FRAS1: variants seen among roughly 807,000 people sequenced by gnomAD.
FRAS1 encodes Fraser extracellular matrix complex subunit 1, also known as extracellular matrix organizing protein FRAS1.
In FRAS1, 290 loss-of-function variants were observed where a neutral mutation model predicts 435.2. The ratio of observed to expected loss-of-function variants is 0.67; its 90% CI spans 0.61 to 0.73. The LOEUF is 0.73. Ranked by LOEUF, FRAS1 falls within the 30% of genes least tolerant of loss-of-function variation. FRAS1 has a pLI of 0.00. For missense variants in FRAS1, 4,860 were observed against 5,001.5 expected (o/e 0.97, Z 0.85); for synonymous variants, 1,800 against 1,851.0 (o/e 0.97, Z 0.71).
intron 6 of FRAS1, among the ~76,000 whole-genome samples, chr4:78,264,034 C>T (rs1194500318): frequency 6.6e-6 from 1 of 152,168 alleles, no homozygotes; most frequent in African/African-American, 2.4e-5. Context: ...TTCTACTCCT[C>T]ATAAGAGAAA....
chr4:78,516,090 A>G lies in FRAS1; in HGVS notation c.10389+77A>G, dbSNP rs548219931. The stretch of plus-strand genomic sequence containing the variant: ...ACCTTGTTTGTTCCTGAAGCACTTC[A>G]ATTAGCACTTTGCCTCCAGAACTGG... On this transcript the variant is annotated intron_variant, in intron 66 of 73. Transcript: ENST00000512123. 48 of 1,144,130 alleles carry G rather than the reference A, an allele frequency of 4.2e-5. 1 individual carries two copies. In the South Asian group the frequency reaches 7.1e-4, roughly 17 times the overall value. The allele number at this position is 1,144,130 out of a possible 1,614,324, so 70.9% of individuals were successfully genotyped here.
intron 4 of FRAS1, among the ~76,000 whole-genome samples, chr4:78,246,747 GAA>G (rs11304207): frequency 6.6e-5 from 10 of 150,514 alleles, no homozygotes; most frequent in Admixed American, 2.6e-4. Flanking sequence ...GGATCTGGGG[GAA>G]AAAAAAAACC....
At chr4:78,451,928 T>G in intron 46 of FRAS1, 37 bp downstream of exon 46, 1 of 1,573,266 alleles carries the variant, frequency 6.4e-7, no homozygotes, top group Non-Finnish European at 8.6e-7. Context: ...TAAAACTATT[T>G]TAGCAGTTCT....
intron 14 of FRAS1, among the ~76,000 whole-genome samples, chr4:78,297,699 C>T (rs139645929): frequency 6.6e-6 from 1 of 152,152 alleles, no homozygotes; most frequent in African/African-American, 2.4e-5. Context: ...TCTTATTCAC[C>T]CTCTTTTAAC....
At chr4:78,276,585 G>T (rs1365700353) in intron 9 of FRAS1, among the ~76,000 whole-genome samples, 1 of 152,224 alleles carries the variant, frequency 6.6e-6, no homozygotes, top group African/African-American at 2.4e-5. Context: ...ATCCACTCTA[G>T]ACCCTGTTTG....
chr4:78,117,182 A>C (rs1718645222), intron 2 of FRAS1, among the ~76,000 whole-genome samples: 1 of 152,154 alleles, frequency 6.6e-6, no homozygotes, highest in African/African-American at 2.4e-5. Flanking sequence ...TGGCTTGTAG[A>C]GTTTCTGCCA....
chr4:78,364,096 C>G, intron 22 of FRAS1, 42 bp downstream of exon 22: 1 of 1,544,238 alleles, frequency 6.5e-7, no homozygotes. Context: ...CCTTCTTTTC[C>G]TGCCTTTCTG....
intron 70 of FRAS1, among the ~76,000 whole-genome samples, chr4:78,527,357 G>A (rs926566160): frequency 1.3e-5 from 2 of 148,880 alleles, no homozygotes; most frequent in South Asian, 2.1e-4. Flanking sequence ...TATTTATTCA[G>A]CTCTTCTCAT....
chr4:78,478,033 T>TTTTCTG lies in FRAS1; in HGVS notation c.8074_8079dup (p.Leu2692_Phe2693dup). The stretch of plus-strand genomic sequence containing the variant: ...TCTACTGGGTTAACGAGAGCGCTGG[T>TTTTCTG]TTTCTGTTTGCACCTATTGAAAGAA... On this transcript the variant is annotated inframe_insertion, in exon 55 of 74. Coordinates refer to ENST00000512123, the MANE Select transcript of FRAS1 (RefSeq NM_025074.7). The TTTTCTG allele has an allele frequency of 6.3e-7, 1 of 1,581,310 alleles. No individual in the cohort carries two copies. The highest frequency in any genetic ancestry group is 2.3e-5 in the East Asian group (1 of 43,364).
intron 1 of FRAS1, among the ~76,000 whole-genome samples, chr4:78,058,423 A>T (rs1358235079): frequency 2.6e-5 from 4 of 152,114 alleles, no homozygotes; most frequent in Non-Finnish European, 5.9e-5. Flanking sequence ...AAGCAACTGC[A>T]TGGAGCACAG....
intron 57 of FRAS1, 133 bp downstream of exon 57, chr4:78,482,097 C>A: frequency 1.0e-6 from 1 of 957,994 alleles, no homozygotes. Context: ...AACACACATA[C>A]ATAAACAAGA....
At chr4:78,156,848 G>A (rs1053565180) in intron 2 of FRAS1, among the ~76,000 whole-genome samples, 21 of 152,108 alleles carry the variant, frequency 1.4e-4, no homozygotes, top group African/African-American at 4.3e-4. Flanking sequence ...TTCCAGAAGC[G>A]GGGGATGGAA....
chr4:78,284,547 A>C lies in FRAS1; in HGVS notation c.1398A>C (p.Leu466Phe). ...LGFYQAGSLC[L>F]ACQPQCSTCT... is the part of the protein sequence containing the mutation. ...TTTACCAAGCTGGCAGTCTCTGTTT[A>C]GGTATGGCTCCAAGTGGACAACCCA... Residue 466 changes from leucine to phenylalanine, a missense_variant and splice_region_variant, in exon 13 of 74, where the codon TTA (leucine) becomes TTC (phenylalanine). Physicochemically the swap from Leu to Phe is conservative, Grantham distance 22 (BLOSUM62 0). Transcript: ENST00000512123. 1 of 1,608,452 alleles carries C rather than the reference A, an allele frequency of 6.2e-7. No individual in the cohort carries two copies. The highest frequency in any genetic ancestry group is 8.5e-7 in the Non-Finnish European group (1 of 1,177,414).
chr4:78,357,365 T>G (rs1432305660), intron 20 of FRAS1, among the ~76,000 whole-genome samples: 1 of 152,170 alleles, frequency 6.6e-6, no homozygotes, highest in East Asian at 1.9e-4. Context: ...TGACAAAATT[T>G]GGAGACAGCC....
chr4:78,366,599 G>T (rs1310235675), intron 22 of FRAS1, among the ~76,000 whole-genome samples: 2 of 152,170 alleles, frequency 1.3e-5, no homozygotes, highest in Non-Finnish European at 2.9e-5. Flanking sequence ...TGTTTAAGAA[G>T]GTGATTGAAC....
chr4:78,123,318 T>C (rs972081734), intron 2 of FRAS1, among the ~76,000 whole-genome samples: 2 of 152,202 alleles, frequency 1.3e-5, no homozygotes, highest in African/African-American at 4.8e-5. Context: ...AGGCCTCTGT[T>C]CGGATCCATT....
In FRAS1 at chr4:78,400,766, G is replaced by A. The variant is rs892981839; in HGVS notation, c.4008G>A (p.Ser1336=). Residue 1336 remains serine (S), a synonymous_variant, in exon 30 of 74, where the codon TCG becomes TCA. Transcript: ENST00000512123. ...GGGGTCTTCAGCTTGTGGCTAATTCGATGGTGTGGGTTCCAGAAGGGGGGA... is the reference window on the plus strand; with the variant it reads ...GGGGTCTTCAGCTTGTGGCTAATTCAATGGTGTGGGTTCCAGAAGGGGGGA... ...NDRGLQLVAN[S]MVWVPEGGML... 9.3e-6 allele frequency: 15 copies of A among 1,612,820 alleles called. No individual in the cohort carries two copies. Among genetic ancestry groups the A allele is most frequent in the East Asian group, 8.9e-5 (4 of 44,836 alleles).
intron 2 of FRAS1, among the ~76,000 whole-genome samples, chr4:78,210,991 G>A (rs536804288): frequency 3.3e-5 from 5 of 152,272 alleles, no homozygotes; most frequent in East Asian, 1.9e-4. Context: ...CCTGGTGCGC[G>A]TATGGTGTTG....
intron 34 of FRAS1, among the ~76,000 whole-genome samples, chr4:78,423,906 T>C (rs77098125): frequency 0.011 from 1,725 of 152,308 alleles, 20 homozygotes; most frequent in African/African-American, 0.039. Context: ...CCCGAGTTCC[T>C]AGAGCCTGTT....
Sources: gnomAD v4.1 joint callset for allele counts (sites outside exome capture counted in the v4.1 genomes callset) on GRCh38, gnomAD v4.1.1 for gene constraint, MANE v1.5 for transcripts, NCBI Gene and HGNC (gene_info 2026-07-23, HGNC 2026-07-21) for gene names.